Variants in ERBB4 observed in about 807,000 individuals in gnomAD.
ERBB4 encodes the protein erb-b2 receptor tyrosine kinase 4.
ERBB4 carries 42 observed loss-of-function variants against 158.0 expected under a neutral mutation model. The ratio of observed to expected loss-of-function variants is 0.27; its 90% CI spans 0.21 to 0.34. ERBB4 has a LOEUF of 0.34. ERBB4 is among the 10% of genes least tolerant of loss of function. The pLI, the probability that ERBB4 is intolerant of heterozygous loss-of-function variation, is 1.00. For synonymous variants in ERBB4, 583 were observed against 558.7 expected, an observed-to-expected ratio of 1.04 and a Z score of -0.61; for missense variants, 1,333 against 1,624.1, an observed-to-expected ratio of 0.82 and a Z score of 3.08.
intron 9 of ERBB4, among the ~76,000 whole-genome samples, chr2:211,708,594 TTC>T (rs2073543560): frequency 6.7e-6 from 1 of 149,722 alleles, no homozygotes. Flanking sequence ...TGATTTTCAT[TTC>T]TCTCTGTTTC....
intron 1 of ERBB4, among the ~76,000 whole-genome samples, chr2:212,394,729 T>C (rs140542945): frequency 6.6e-6 from 1 of 152,150 alleles, no homozygotes; most frequent in Non-Finnish European, 1.5e-5. Context: ...AGAAAATTTA[T>C]AAAATGAAGT....
chr2:212,418,446 CCTG>C (rs1200163031), intron 1 of ERBB4, among the ~76,000 whole-genome samples: 5 of 151,288 alleles, frequency 3.3e-5, no homozygotes, highest in African/African-American at 4.9e-5. Flanking sequence ...GTGTTCTCCA[CCTG>C]CTAAGAGTCT....
chr2:211,438,213 C>T (rs565542839), intron 20 of ERBB4, among the ~76,000 whole-genome samples: 1 of 152,214 alleles, frequency 6.6e-6, no homozygotes, highest in African/African-American at 2.4e-5. Flanking sequence ...TTACTGCTAG[C>T]TTTAAATTTT....
intron 1 of ERBB4, among the ~76,000 whole-genome samples, chr2:212,450,399 T>G (rs1330755636): frequency 6.6e-6 from 1 of 152,090 alleles, no homozygotes; most frequent in Non-Finnish European, 1.5e-5. Flanking sequence ...GGTCCTTTTT[T>G]GGGAAAGAAA....
rs80135897 is a variant in ERBB4 at position 211,379,238 on chromosome 2, T to C, written c.*4377A>G. 4.4e-6 allele frequency: 1 copy of C among 229,258 alleles called. No homozygotes were observed. Among genetic ancestry groups the C allele is most frequent in the African/African-American group, 2.2e-5 (1 of 45,064 alleles). The allele number at this position is 229,258 out of a possible 1,614,324, so 14.2% of individuals were successfully genotyped here. A position where few individuals can be genotyped will look rare whatever the true frequency, so the allele number is the denominator to read the frequency against. On this transcript the variant is annotated 3_prime_UTR_variant, in exon 28 of 28. Coordinates refer to ENST00000342788, the MANE Select transcript of ERBB4 (RefSeq NM_005235.3). ...AAATGACACCACTCCTTTTTTTTTT[T>C]GTCTCTGCATAAGGTAATAGAACAT...
At position 211,982,979 on chromosome 2, in the gene ERBB4, T is replaced by G. The variant is rs780325968; in HGVS notation, c.235-35363A>C. 2.0e-5 allele frequency among the ~76,000 whole-genome samples: 3 copies of G among 152,228 alleles called. No individual in the cohort carries two copies. In the South Asian group the frequency reaches 6.2e-4, roughly 31 times the overall value. On this transcript the variant is annotated intron_variant, in intron 2 of 27. Coordinates refer to ENST00000342788, the MANE Select transcript of ERBB4 (RefSeq NM_005235.3). ...CTTACATTACAAAACATTTTTGACT[T>G]TTTAAAAATGTTATATATTGACGTG... is the stretch of plus-strand genomic sequence containing the variant.
intron 25 of ERBB4, among the ~76,000 whole-genome samples, chr2:211,415,767 A>T (rs1325032060): frequency 6.6e-6 from 1 of 152,204 alleles, no homozygotes; most frequent in Non-Finnish European, 1.5e-5. Flanking sequence ...AAATTGATCA[A>T]ATTTTTGAGA....
intron 3 of ERBB4, among the ~76,000 whole-genome samples, chr2:211,904,334 T>C (rs1432414930): frequency 6.6e-6 from 1 of 152,136 alleles, no homozygotes; most frequent in African/African-American, 2.4e-5. Flanking sequence ...AGTAGCTCTC[T>C]ATCTCCAGAA....
chr2:211,511,197 T>C (rs1412122418), intron 20 of ERBB4, among the ~76,000 whole-genome samples: 1 of 142,004 alleles, frequency 7.0e-6, no homozygotes, highest in Admixed American at 6.9e-5. Flanking sequence ...AAAATTCTCT[T>C]AAGTTTTTAG....
intron 3 of ERBB4, among the ~76,000 whole-genome samples, chr2:211,881,027 C>T (rs1283863872): frequency 1.3e-5 from 2 of 152,128 alleles, no homozygotes; most frequent in Non-Finnish European, 2.9e-5. Flanking sequence ...GTGCCAAGAC[C>T]ATGGCACTCA....
At chr2:212,528,707 G>C (rs1692582815) in intron 1 of ERBB4, among the ~76,000 whole-genome samples, 1 of 152,156 alleles carries the variant, frequency 6.6e-6, no homozygotes, top group Non-Finnish European at 1.5e-5. Context: ...AACCTGAAAA[G>C]AAATGTCTAG....
intron 1 of ERBB4, among the ~76,000 whole-genome samples, chr2:212,281,714 A>T (rs1464775730): frequency 6.6e-6 from 1 of 151,828 alleles, no homozygotes; most frequent in African/African-American, 2.4e-5. Flanking sequence ...TTCATCAAAT[A>T]ACCTGGAGCT....
At chr2:211,531,241 A>C (rs1238976640) in intron 20 of ERBB4, among the ~76,000 whole-genome samples, 2 of 152,146 alleles carry the variant, frequency 1.3e-5, no homozygotes, top group Non-Finnish European at 2.9e-5. Context: ...ACACGTTTTG[A>C]GACACTGGAG....
chr2:212,061,205 C>T (rs1427570717), intron 2 of ERBB4, among the ~76,000 whole-genome samples: 1 of 151,438 alleles, frequency 6.6e-6, no homozygotes, highest in African/African-American at 2.4e-5. Flanking sequence ...GCCTGTAATG[C>T]CAGCATTTTG....
intron 1 of ERBB4, among the ~76,000 whole-genome samples, chr2:212,505,028 A>T (rs1024762842): frequency 4.6e-5 from 7 of 152,236 alleles, no homozygotes; most frequent in Admixed American, 4.6e-4. Flanking sequence ...ACATTACCAG[A>T]TAACTCCATT....
intron 20 of ERBB4, among the ~76,000 whole-genome samples, chr2:211,529,396 G>T (rs538971513): frequency 6.6e-6 from 1 of 151,892 alleles, no homozygotes; most frequent in Non-Finnish European, 1.5e-5. Context: ...AGGATCTGAC[G>T]GCTTCACTGC....
At chr2:212,119,863 A>G (rs1420303294) in intron 2 of ERBB4, among the ~76,000 whole-genome samples, 1 of 152,200 alleles carries the variant, frequency 6.6e-6, no homozygotes, top group African/African-American at 2.4e-5. Flanking sequence ...AAGATTAAGG[A>G]AAGTATCTAC....
chr2:212,396,229 A>T (rs1003778639), intron 1 of ERBB4, among the ~76,000 whole-genome samples: 2 of 152,174 alleles, frequency 1.3e-5, no homozygotes, highest in African/African-American at 2.4e-5. Context: ...GATCTGGGAC[A>T]AAGGTATATT....
intron 14 of ERBB4, among the ~76,000 whole-genome samples, chr2:211,670,848 T>A (rs2071810031): frequency 6.6e-6 from 1 of 152,170 alleles, no homozygotes; most frequent in Non-Finnish European, 1.5e-5. Flanking sequence ...TAATTCTGAC[T>A]TGATTCATAG....
Sources: allele counts gnomAD v4.1 joint callset (sites outside exome capture counted in the v4.1 genomes callset), GRCh38; gene constraint gnomAD v4.1.1; transcripts MANE v1.5; gene names NCBI Gene and HGNC (gene_info 2026-07-23, HGNC 2026-07-21).